SRGAP1: variants seen among roughly 807,000 people sequenced by gnomAD.
SRGAP1 encodes SLIT-ROBO Rho GTPase-activating protein 1.
In SRGAP1, 43 loss-of-function variants were observed where a neutral mutation model predicts 121.9. The ratio of observed to expected loss-of-function variants is 0.35; its 90% CI spans 0.28 to 0.46. The LOEUF is 0.46. SRGAP1 is among the 20% of genes least tolerant of loss of function. The pLI is 1.00. For missense variants in SRGAP1, 1,102 were observed against 1,350.9 expected, an observed-to-expected ratio of 0.82 and a Z score of 2.89; for synonymous variants, 447 against 485.4, an observed-to-expected ratio of 0.92 and a Z score of 1.04.
rs1026862284 is a variant in SRGAP1 at position 64,097,449 on chromosome 12, C to T, written c.1813+74C>T. The T allele has an allele frequency of 5.9e-6, 9 of 1,522,282 alleles. No homozygotes were observed. The African/African-American group carries it at 9.7e-5, about 16-fold the overall frequency. 94.3% of individuals were successfully genotyped at this position (1,522,282 alleles called of 1,614,324 possible). A position where few individuals can be genotyped will look rare whatever the true frequency, so the allele number is the denominator to read the frequency against. On this transcript the variant is annotated intron_variant, in intron 15 of 21. Transcript: ENST00000355086. ...CTAACTTCCTGGAAAAGGCAGTGGC[C>T]CCCCTCCATACACCCCCACCCCCAT...
intron 3 of SRGAP1, among the ~76,000 whole-genome samples, chr12:64,003,273 G>A (rs1291583584): frequency 4.0e-5 from 6 of 151,818 alleles, no homozygotes; most frequent in African/African-American, 9.7e-5. Flanking sequence ...TTTTTTTGGC[G>A]ATGGGGTTTC....
At chr12:63,889,140 A>G (rs750039670) in intron 1 of SRGAP1, among the ~76,000 whole-genome samples, 2 of 152,140 alleles carry the variant, frequency 1.3e-5, no homozygotes, top group Non-Finnish European at 2.9e-5. Context: ...TGGGGACAAT[A>G]TCTATCTGCA....
intron 1 of SRGAP1, among the ~76,000 whole-genome samples, chr12:63,900,196 T>A (rs974228219): frequency 1.7e-4 from 1 of 5,846 alleles, no homozygotes; most frequent in Non-Finnish European, 4.4e-4. Flanking sequence ...CTTTTTCTTT[T>A]TCTTTTTCTT....
chr12:63,945,315 C>T (rs1439852222), intron 1 of SRGAP1, among the ~76,000 whole-genome samples: 2 of 151,410 alleles, frequency 1.3e-5, no homozygotes, highest in African/African-American at 2.4e-5. Context: ...GTGCAGAACG[C>T]GCAGGTTTGT....
chr12:64,084,717 AT>A (rs2035908149), intron 10 of SRGAP1, among the ~76,000 whole-genome samples: 2 of 152,190 alleles, frequency 1.3e-5, no homozygotes, highest in African/African-American at 4.8e-5. Context: ...AGCATTTTAC[AT>A]ATCATTTTCT....
Position 64,147,763 on chromosome 12 carries a change from TTA to T in SRGAP1, c.*5092_*5093del, listed in dbSNP as rs2037076580. On this transcript the variant is annotated 3_prime_UTR_variant, in exon 22 of 22. Coordinates refer to ENST00000355086, the MANE Select transcript of SRGAP1 (RefSeq NM_020762.4). ...TACTGTACATTTTTGGCATGTACCA[TTA>T]CAGGCTTCAGTATACAGTCAGGTTT... is the stretch of plus-strand genomic sequence containing the variant. 4 of 398,032 alleles carry T rather than the reference TTA, an allele frequency of 1.0e-5. No homozygotes were observed. The highest frequency in any genetic ancestry group is 8.8e-5 in the Admixed American group (2 of 22,718). The allele number at this position is 398,032 out of a possible 1,614,324, so 24.7% of individuals were successfully genotyped here. A position where few individuals can be genotyped will look rare whatever the true frequency, so the allele number is the denominator to read the frequency against.
intron 1 of SRGAP1, among the ~76,000 whole-genome samples, chr12:63,945,987 G>T (rs920952929): frequency 1.3e-5 from 2 of 152,000 alleles, no homozygotes; most frequent in Non-Finnish European, 2.9e-5. Flanking sequence ...TTCCTACCTG[G>T]TTCACCCACA....
chr12:64,158,487 C>T lies in SRGAP1; in HGVS notation c.*15815C>T, dbSNP rs2037183061. 1 of 152,148 alleles carries T rather than the reference C, an allele frequency of 6.6e-6. No individual in the cohort carries two copies. The highest frequency in any genetic ancestry group is 2.4e-5 in the African/African-American group (1 of 41,416). 9.4% of individuals were successfully genotyped at this position (152,148 alleles called of 1,614,324 possible). A position where few individuals can be genotyped will look rare whatever the true frequency, so the allele number is the denominator to read the frequency against. On this transcript the variant is annotated 3_prime_UTR_variant, in exon 22 of 22. Transcript: ENST00000355086. The stretch of plus-strand genomic sequence containing the variant: ...AGTTGACATAGAATTAAATTAAAAT[C>T]AGTATTGATTGGATTATGCTTTGAT...
chr12:64,043,703 A>G (rs1343217255), intron 6 of SRGAP1, 128 bp downstream of exon 6: 5 of 678,010 alleles, frequency 7.4e-6, no homozygotes, highest in African/African-American at 5.6e-5. Context: ...AGAAAAAAAT[A>G]CTTTTATTTA....
At chr12:64,092,112 G>A (rs984709594) in intron 12 of SRGAP1, among the ~76,000 whole-genome samples, 1 of 152,128 alleles carries the variant, frequency 6.6e-6, no homozygotes, top group Non-Finnish European at 1.5e-5. Flanking sequence ...GAGGAAAAAT[G>A]GGCACATTAA....
intron 3 of SRGAP1, among the ~76,000 whole-genome samples, chr12:64,001,735 G>A (rs932216231): frequency 6.6e-4 from 101 of 152,150 alleles, no homozygotes; most frequent in African/African-American, 2.3e-3. Context: ...CTCCCAGCTG[G>A]CCCACAGAAA....
At position 64,147,425 on chromosome 12, in the gene SRGAP1, A is replaced by G. The variant is rs1592364616; in HGVS notation, c.*4753A>G. 1.1e-5 allele frequency: 1 copy of G among 87,076 alleles called. No individual in the cohort carries two copies. Among genetic ancestry groups the G allele is most frequent in the African/African-American group, 5.0e-5 (1 of 19,818 alleles). 5.4% of individuals were successfully genotyped at this position (87,076 alleles called of 1,614,324 possible). On this transcript the variant is annotated 3_prime_UTR_variant, in exon 22 of 22. Transcript: ENST00000355086. ...TTTCGAAGCTTCCTCCCTGTCCCCC[A>G]CCTTCCCCATCCCCGCCTTCCTGTG... is the stretch of plus-strand genomic sequence containing the variant.
chr12:64,042,767 C>T (rs896445098), intron 4 of SRGAP1, 23 bp from the exon 5 acceptor site: 17 of 1,599,228 alleles, frequency 1.1e-5, no homozygotes, highest in Non-Finnish European at 1.4e-5. Context: ...CATCTTGTAA[C>T]AATTTGGGTC....
chr12:63,981,359 A>G (rs1158820333), intron 1 of SRGAP1, among the ~76,000 whole-genome samples: 1 of 152,034 alleles, frequency 6.6e-6, no homozygotes, highest in East Asian at 1.9e-4. Context: ...GCAGCTAAAA[A>G]CAAAAACAAA....
chr12:64,095,623 AG>A (rs905142537), intron 14 of SRGAP1, among the ~76,000 whole-genome samples: 1 of 152,070 alleles, frequency 6.6e-6, no homozygotes, highest in Non-Finnish European at 1.5e-5. Flanking sequence ...CTGTGACCCT[AG>A]GGGGTGCCTT....
intron 1 of SRGAP1, among the ~76,000 whole-genome samples, chr12:63,939,356 A>T (rs2031780889): frequency 1.3e-5 from 2 of 152,148 alleles, no homozygotes; most frequent in Admixed American, 1.3e-4. Flanking sequence ...ATGAACAAAG[A>T]AAATATTTCA....
chr12:64,139,362 T>C (rs1162069827), intron 21 of SRGAP1, among the ~76,000 whole-genome samples: 1 of 152,236 alleles, frequency 6.6e-6, no homozygotes, highest in Non-Finnish European at 1.5e-5. Context: ...CAAAAATTTG[T>C]TGAATGAATG....
chr12:63,913,865 AT>A (rs949558847), intron 1 of SRGAP1, among the ~76,000 whole-genome samples: 12 of 151,160 alleles, frequency 7.9e-5, no homozygotes, highest in African/African-American at 2.2e-4. Context: ...CTTAATTTTT[AT>A]TTTTTTTTCT....
At chr12:63,874,268 A>G (rs1038205743) in intron 1 of SRGAP1, among the ~76,000 whole-genome samples, 8 of 151,870 alleles carry the variant, frequency 5.3e-5, no homozygotes, top group Admixed American at 1.3e-4. Context: ...CAGTGGCACG[A>G]TCTCGGCTCG....
Sources: allele counts gnomAD v4.1 joint callset (sites outside exome capture counted in the v4.1 genomes callset), GRCh38; gene constraint gnomAD v4.1.1; transcripts MANE v1.5; gene names NCBI Gene and HGNC (gene_info 2026-07-23, HGNC 2026-07-21).